Variants in KCNJ6 observed in about 807,000 individuals in gnomAD.
KCNJ6 encodes potassium inwardly rectifying channel subfamily J member 6, also known as G protein-activated inward rectifier potassium channel 2.
In KCNJ6, 9 loss-of-function variants were observed where a neutral mutation model predicts 34.2. The observed-to-expected ratio is 0.26, with a 90% CI of 0.16 to 0.46. The LOEUF (loss-of-function observed/expected upper bound fraction) is 0.46. Ranked by LOEUF, KCNJ6 falls within the 20% of genes least tolerant of loss-of-function variation. KCNJ6 has a pLI of 1.00. For missense variants in KCNJ6, 236 were observed against 531.3 expected, an observed-to-expected ratio of 0.44 and a Z score of 5.46; for synonymous variants, 196 against 207.1, an observed-to-expected ratio of 0.95 and a Z score of 0.46.
At chr21:37,764,891 T>G (rs1483809412) in intron 2 of KCNJ6, among the ~76,000 whole-genome samples, 1 of 152,206 alleles carries the variant, frequency 6.6e-6, no homozygotes, top group African/African-American at 2.4e-5. Context: ...TGCTCTAAGA[T>G]GCAGGCCAAG....
intron 2 of KCNJ6, among the ~76,000 whole-genome samples, chr21:37,783,419 T>G (rs2055178899): frequency 6.6e-6 from 1 of 152,180 alleles, no homozygotes; most frequent in South Asian, 2.1e-4. Flanking sequence ...CTGATGGTTT[T>G]ATCAGGGGCT....
chr21:37,723,507 C>T (rs1179698341), intron 2 of KCNJ6, among the ~76,000 whole-genome samples: 4 of 152,128 alleles, frequency 2.6e-5, no homozygotes, highest in African/African-American at 9.7e-5. Context: ...AGAGTAAAGA[C>T]ATGGAATCAA....
At chr21:37,766,116 T>A (rs2055089760) in intron 2 of KCNJ6, among the ~76,000 whole-genome samples, 1 of 152,180 alleles carries the variant, frequency 6.6e-6, no homozygotes, top group African/African-American at 2.4e-5. Flanking sequence ...TCATTCTGCA[T>A]CCCACACAAC....
chr21:37,630,573 T>C (rs1434909120), intron 3 of KCNJ6, among the ~76,000 whole-genome samples: 6 of 152,196 alleles, frequency 3.9e-5, no homozygotes, highest in Non-Finnish European at 5.9e-5. Flanking sequence ...TCCATCATCA[T>C]GTCAGTCTGC....
At chr21:37,883,232 T>C (rs1236892391) in intron 1 of KCNJ6, among the ~76,000 whole-genome samples, 1 of 152,222 alleles carries the variant, frequency 6.6e-6, no homozygotes, top group Admixed American at 6.5e-5. Flanking sequence ...TAAACTCTTT[T>C]CTAGAAAGGG....
intron 2 of KCNJ6, among the ~76,000 whole-genome samples, chr21:37,782,915 C>T (rs1278576150): frequency 6.6e-6 from 1 of 152,038 alleles, no homozygotes. Context: ...ACATGGTTGC[C>T]CCATCTTGAC....
intron 3 of KCNJ6, among the ~76,000 whole-genome samples, chr21:37,678,481 T>C (rs951850752): frequency 6.6e-6 from 1 of 152,222 alleles, no homozygotes; most frequent in African/African-American, 2.4e-5. Context: ...TCTGGGGTCA[T>C]AGGCTTCTTG....
chr21:37,895,023 TCAGCCTCCTGAGTAGCTGA>T (rs551537672), intron 1 of KCNJ6, among the ~76,000 whole-genome samples: 12 of 152,348 alleles, frequency 7.9e-5, no homozygotes, highest in African/African-American at 2.9e-4. Flanking sequence ...TCCTCTGGCT[TCAGCCTCCTGAGTAGCTGA>T]CATTACAGAT....
intron 2 of KCNJ6, among the ~76,000 whole-genome samples, chr21:37,834,900 C>T (rs2055444292): frequency 6.7e-6 from 1 of 149,654 alleles, no homozygotes; most frequent in Admixed American, 6.7e-5. Flanking sequence ...CCTGGAGCTA[C>T]TCAGAATAAA....
chr21:37,853,744 T>C (rs1450781985), intron 1 of KCNJ6, among the ~76,000 whole-genome samples: 1 of 150,790 alleles, frequency 6.6e-6, no homozygotes, highest in Non-Finnish European at 1.5e-5. Flanking sequence ...AACTATATTT[T>C]AAATAGGGGA....
At chr21:37,849,379 G>C (rs2055526351) in intron 1 of KCNJ6, among the ~76,000 whole-genome samples, 1 of 152,176 alleles carries the variant, frequency 6.6e-6, no homozygotes, top group South Asian at 2.1e-4. Context: ...GGTGGCCAAT[G>C]CCTCTCCCAC....
chr21:37,718,414 T>C (rs1235616838), intron 2 of KCNJ6, among the ~76,000 whole-genome samples: 1 of 152,048 alleles, frequency 6.6e-6, no homozygotes, highest in Non-Finnish European at 1.5e-5. Flanking sequence ...TCAGGGGGAA[T>C]GGTTGTGGGA....
intron 2 of KCNJ6, among the ~76,000 whole-genome samples, chr21:37,796,950 C>T (rs544675824): frequency 3.3e-5 from 5 of 151,242 alleles, no homozygotes; most frequent in South Asian, 2.1e-4. Context: ...CCCGCCACCG[C>T]GCCCGGCTAA....
chr21:37,875,660 A>C (rs1376716982), intron 1 of KCNJ6, among the ~76,000 whole-genome samples: 1 of 152,238 alleles, frequency 6.6e-6, no homozygotes, highest in African/African-American at 2.4e-5. Context: ...GAAACTTAAA[A>C]GTAATTTTCT....
At chr21:37,812,269 C>T (rs938077866) in intron 2 of KCNJ6, among the ~76,000 whole-genome samples, 2 of 152,056 alleles carry the variant, frequency 1.3e-5, no homozygotes, top group Non-Finnish European at 2.9e-5. Context: ...CAGGGGAGTC[C>T]CACCTGGTTG....
chr21:37,651,554 G>A (rs1477342819), intron 3 of KCNJ6, among the ~76,000 whole-genome samples: 1 of 152,168 alleles, frequency 6.6e-6, no homozygotes, highest in East Asian at 1.9e-4. Flanking sequence ...GAGGAAGGGA[G>A]TGGAAGGATT....
chr21:37,903,414 A>G (rs973851981), intron 1 of KCNJ6, among the ~76,000 whole-genome samples: 3 of 152,222 alleles, frequency 2.0e-5, no homozygotes, highest in Non-Finnish European at 4.4e-5. Flanking sequence ...TGCAACTGTG[A>G]GTCCACTAAA....
chr21:37,805,707 A>T (rs2055290319), intron 2 of KCNJ6, among the ~76,000 whole-genome samples: 1 of 152,178 alleles, frequency 6.6e-6, no homozygotes, highest in Admixed American at 6.5e-5. Flanking sequence ...TGACTGGTGT[A>T]CTTATGAGAA....
chr21:37,890,535 G>A (rs2055757218), intron 1 of KCNJ6, among the ~76,000 whole-genome samples: 1 of 152,140 alleles, frequency 6.6e-6, no homozygotes, highest in Admixed American at 6.5e-5. Flanking sequence ...GCCTCCTGTT[G>A]CCCTGGAAGA....
Sources: gnomAD v4.1 joint callset for allele counts (sites outside exome capture counted in the v4.1 genomes callset) on GRCh38, gnomAD v4.1.1 for gene constraint, MANE v1.5 for transcripts, NCBI Gene and HGNC (gene_info 2026-07-23, HGNC 2026-07-21) for gene names.